Variants in ATAD1 observed in about 807,000 individuals in gnomAD.
The protein encoded by ATAD1 is ATPase family AAA domain containing 1, also known as outer mitochondrial transmembrane helix translocase.
A neutral mutation model predicts 42.7 loss-of-function variants in ATAD1; 18 were observed. That is an observed-to-expected ratio of 0.42 (90% CI 0.29 to 0.63). The LOEUF (loss-of-function observed/expected upper bound fraction) is 0.63, where lower values mean the gene tolerates loss of function less well. Among genes scored for constraint, ATAD1 ranks in the 20% least tolerant of loss-of-function variants. The pLI, the probability that ATAD1 is intolerant of heterozygous loss-of-function variation, is 0.19. For missense variants in ATAD1, 294 were observed against 440.4 expected, an observed-to-expected ratio of 0.67 and a Z score of 2.98; for synonymous variants, 132 against 143.1, an observed-to-expected ratio of 0.92 and a Z score of 0.55.
chr10:87,782,760 G>T (rs1360977644), intron 5 of ATAD1, among the ~76,000 whole-genome samples: 1 of 152,172 alleles, frequency 6.6e-6, no homozygotes, highest in Non-Finnish European at 1.5e-5. Flanking sequence ...ACTTTAGGAG[G>T]CTGAGGCAGG....
chr10:87,832,489 T>C (rs1413548743), intron 1 of ATAD1, among the ~76,000 whole-genome samples: 1 of 152,076 alleles, frequency 6.6e-6, no homozygotes, highest in Admixed American at 6.6e-5. Flanking sequence ...TGTCTACCCT[T>C]TCACCAATAC....
At chr10:87,807,246 T>C (rs1007713246) in intron 2 of ATAD1, among the ~76,000 whole-genome samples, 4 of 152,212 alleles carry the variant, frequency 2.6e-5, no homozygotes, top group Non-Finnish European at 1.5e-5. Flanking sequence ...TTCCTGCTTT[T>C]TTCCATTACA....
chr10:87,771,746 G>A (rs1855041452), intron 6 of ATAD1, among the ~76,000 whole-genome samples: 1 of 150,012 alleles, frequency 6.7e-6, no homozygotes, highest in Non-Finnish European at 1.5e-5. Context: ...TATAAAGGAT[G>A]TAGAGATTAA....
At chr10:87,772,901 C>T (rs577561679) in intron 6 of ATAD1, among the ~76,000 whole-genome samples, 1 of 152,134 alleles carries the variant, frequency 6.6e-6, no homozygotes, top group East Asian at 1.9e-4. Flanking sequence ...TAATTTTTTA[C>T]TACTTAAGAA....
chr10:87,787,435 A>G (rs1240652893), intron 4 of ATAD1, among the ~76,000 whole-genome samples: 1 of 152,060 alleles, frequency 6.6e-6, no homozygotes, highest in Non-Finnish European at 1.5e-5. Flanking sequence ...CTGGGCCACA[A>G]AGTGAGACCC....
chr10:87,769,642 T>C (rs1322938568), intron 7 of ATAD1, among the ~76,000 whole-genome samples: 3 of 152,206 alleles, frequency 2.0e-5, no homozygotes, highest in African/African-American at 7.2e-5. Flanking sequence ...CACATATTAA[T>C]GCTCAATAAA....
intron 8 of ATAD1, among the ~76,000 whole-genome samples, chr10:87,760,386 T>C (rs184092841): frequency 1.3e-3 from 195 of 152,322 alleles, no homozygotes; most frequent in African/African-American, 4.4e-3. Context: ...ACTCCTGCTC[T>C]GCCATGGTAA....
At position 87,752,077 on chromosome 10, in the gene ATAD1, G is replaced by T. The variant is rs540678477; in HGVS notation, c.*2610C>A. On this transcript the variant is annotated 3_prime_UTR_variant, in exon 10 of 10. Transcript: ENST00000680024. ...ATACAGAATAGAGTACCCCAACCCA[G>T]CTCTTAATGAATGCTGGGTTTACCT... The T allele has an allele frequency of 6.6e-6, 1 of 152,192 alleles. No individual in the cohort carries two copies. Among genetic ancestry groups the T allele is most frequent in the East Asian group, 1.9e-4 (1 of 5,182 alleles). The allele number at this position is 152,192 out of a possible 1,614,324, so 9.4% of individuals were successfully genotyped here.
chr10:87,809,048 A>G (rs1265630463), intron 2 of ATAD1, among the ~76,000 whole-genome samples: 1 of 152,224 alleles, frequency 6.6e-6, no homozygotes, highest in Non-Finnish European at 1.5e-5. Context: ...AGATATTTTC[A>G]CTATTAACTT....
At chr10:87,816,298 C>T (rs1285098248) in intron 1 of ATAD1, among the ~76,000 whole-genome samples, 1 of 152,130 alleles carries the variant, frequency 6.6e-6, no homozygotes, top group Non-Finnish European at 1.5e-5. Flanking sequence ...GCAACAGTCA[C>T]TTCTGAAGGA....
intron 1 of ATAD1, 29 bp downstream of exon 1, chr10:87,818,138 A>T: frequency 4.1e-6 from 4 of 985,634 alleles, no homozygotes; most frequent in Non-Finnish European, 4.8e-6. Context: ...CAACCATCCC[A>T]TGAGGCCCCA....
chr10:87,836,504 A>G (rs1205905179), intron 1 of ATAD1, among the ~76,000 whole-genome samples: 1 of 152,160 alleles, frequency 6.6e-6, no homozygotes, highest in African/African-American at 2.4e-5. Flanking sequence ...AAGTTGTTCT[A>G]CTTCATTCTA....
In ATAD1 at chr10:87,784,649, G is replaced by A; in HGVS notation, c.404C>T (p.Pro135Leu). 6.2e-7 allele frequency: 1 copy of A among 1,612,846 alleles called. No individual in the cohort carries two copies. Among genetic ancestry groups the A allele is most frequent in the Admixed American group, 1.7e-5 (1 of 60,014 alleles). Residue 135 changes from proline to leucine, a missense_variant, in exon 5 of 10, where the codon CCA becomes CTA. Transcript: ENST00000680024. ...GGCAATCAACGTTTTACCACAGCCT[G>A]GAGGCCCATAGAGAAGAACACCTGG... Reference protein sequence around the residue: ...PPKGVLLYGPPGCGKTLIAKA... With the variant: ...PPKGVLLYGPLGCGKTLIAKA...
chr10:87,786,976 TA>T (rs1054682583), intron 4 of ATAD1, among the ~76,000 whole-genome samples: 2 of 151,954 alleles, frequency 1.3e-5, no homozygotes, highest in Non-Finnish European at 2.9e-5. Context: ...AAAGTTACAC[TA>T]AAATTCAGAT....
intron 4 of ATAD1, among the ~76,000 whole-genome samples, chr10:87,784,877 T>C (rs1448099590): frequency 6.6e-6 from 1 of 152,176 alleles, no homozygotes; most frequent in Non-Finnish European, 1.5e-5. Context: ...TATTTGGGGA[T>C]TACAGCATCC....
chr10:87,770,877 T>C, intron 7 of ATAD1, 75 bp downstream of exon 7: 1 of 1,342,882 alleles, frequency 7.4e-7, no homozygotes, highest in Admixed American at 1.9e-5. Flanking sequence ...AAATATTCCC[T>C]TCTTAAAATT....
chr10:87,788,743 A>G (rs1855952443), intron 4 of ATAD1, among the ~76,000 whole-genome samples: 1 of 152,242 alleles, frequency 6.6e-6, no homozygotes, highest in African/African-American at 2.4e-5. Flanking sequence ...GCATTGTCCA[A>G]TTGAGAACTA....
rs1371820046 is a variant in ATAD1, at chr10:87,751,640, T to G, written c.*3047A>C. The G allele has an allele frequency of 6.6e-6, 1 of 152,178 alleles. No individual in the cohort carries two copies. Among genetic ancestry groups the G allele is most frequent in the Non-Finnish European group, 1.5e-5 (1 of 68,034 alleles). The allele number at this position is 152,178 out of a possible 1,614,324, so 9.4% of individuals were successfully genotyped here. A position where few individuals can be genotyped will look rare whatever the true frequency, so the allele number is the denominator to read the frequency against. On this transcript the variant is annotated 3_prime_UTR_variant, in exon 10 of 10. Coordinates refer to ENST00000680024, the MANE Select transcript of ATAD1 (RefSeq NM_001321967.2). ...AGAACTTTAGCTTTAAAAAAAAGAT[T>G]AGAGAACTCTATCTTTGATAACTAA...
chr10:87,837,710 C>T (rs1244131081), intron 1 of ATAD1, among the ~76,000 whole-genome samples: 4 of 152,158 alleles, frequency 2.6e-5, no homozygotes, highest in African/African-American at 9.7e-5. Flanking sequence ...TCTGGGGCTA[C>T]ACTATGTCCA....
Sources: gnomAD v4.1 joint callset for allele counts (sites outside exome capture counted in the v4.1 genomes callset) on GRCh38, gnomAD v4.1.1 for gene constraint, MANE v1.5 for transcripts, NCBI Gene and HGNC (gene_info 2026-07-23, HGNC 2026-07-21) for gene names.